Variants in EXOC4 observed in about 807,000 individuals in gnomAD.
EXOC4 encodes SEC8-like 1.
In EXOC4, 71 loss-of-function variants were observed where a neutral mutation model predicts 107.2. The observed-to-expected ratio is 0.66, with a 90% CI of 0.55 to 0.81. The LOEUF is 0.81. Ranked by LOEUF, EXOC4 falls within the 30% of genes least tolerant of loss-of-function variation. EXOC4 has a pLI of 0.00. For missense variants in EXOC4, 1,108 were observed against 1,189.6 expected (o/e 0.93, Z 1.01); for synonymous variants, 456 against 441.2 (o/e 1.03, Z -0.42).
intron 17 of EXOC4, among the ~76,000 whole-genome samples, chr7:134,011,397 T>A (rs1794759435): frequency 6.6e-6 from 1 of 152,176 alleles, no homozygotes; most frequent in East Asian, 1.9e-4. Context: ...TTTGTTTCTT[T>A]CTCTGCCTCT....
At position 133,954,695 on chromosome 7, in the gene EXOC4, T is replaced by C. The variant is rs73440865; in HGVS notation, c.2206+16626T>C. On this transcript the variant is annotated intron_variant, in intron 14 of 17. Transcript: ENST00000253861. ...TTTGCTCAGGACCACTGGGCTCACT[T>C]GACCTGGCAGGCTGTGCTTGGCTTG... Among the ~76,000 whole-genome samples, 690 of 152,322 alleles carry C rather than the reference T, an allele frequency of 4.5e-3. 6 individuals carry two copies. Among genetic ancestry groups the C allele is most frequent in the African/African-American group, 0.016 (665 of 41,582 alleles).
chr7:133,562,345 A>T (rs989435762), intron 9 of EXOC4, among the ~76,000 whole-genome samples: 1 of 152,020 alleles, frequency 6.6e-6, no homozygotes, highest in Non-Finnish European at 1.5e-5. Flanking sequence ...TGACCTCTGG[A>T]TTAGGGTTCT....
intron 10 of EXOC4, among the ~76,000 whole-genome samples, chr7:133,788,411 C>A (rs1268339800): frequency 4.6e-5 from 7 of 151,920 alleles, no homozygotes; most frequent in Non-Finnish European, 8.8e-5. Context: ...CAAAACTACT[C>A]CTCCTATTGT....
intron 7 of EXOC4, among the ~76,000 whole-genome samples, chr7:133,472,308 GGTGGCT>G (rs1000936954): frequency 4.6e-5 from 7 of 152,146 alleles, no homozygotes; most frequent in Non-Finnish European, 7.3e-5. Context: ...GAACTAAGTT[GGTGGCT>G]GTCAAAATGG....
At chr7:133,576,639 A>G (rs1404123433) in intron 9 of EXOC4, 1 of 1,289,750 alleles carries the variant, frequency 7.8e-7, no homozygotes, top group East Asian at 5.6e-5. Flanking sequence ...GCTAAATGTG[A>G]TCTCACTCAG....
At chr7:133,839,482 TAATA>T (rs1258624247) in intron 11 of EXOC4, among the ~76,000 whole-genome samples, 1 of 152,232 alleles carries the variant, frequency 6.6e-6, no homozygotes, top group African/African-American at 2.4e-5. Context: ...TGTATGCTCT[TAATA>T]AATTCATTTT....
intron 9 of EXOC4, among the ~76,000 whole-genome samples, chr7:133,595,127 CAG>C (rs1801637172): frequency 6.6e-6 from 1 of 151,964 alleles, no homozygotes; most frequent in African/African-American, 2.4e-5. Context: ...TGGATGAAAT[CAG>C]AGAGAACTTT....
chr7:133,787,665 C>T (rs1796603315), intron 10 of EXOC4, among the ~76,000 whole-genome samples: 1 of 151,640 alleles, frequency 6.6e-6, no homozygotes, highest in African/African-American at 2.4e-5. Context: ...CTCCTCCTTG[C>T]TGTGTCTTCA....
chr7:133,266,319 G>T (rs1479920650), intron 1 of EXOC4, among the ~76,000 whole-genome samples: 3 of 152,140 alleles, frequency 2.0e-5, no homozygotes, highest in African/African-American at 7.2e-5. Context: ...TTTGTAGGCT[G>T]TGTATCCAAA....
intron 10 of EXOC4, among the ~76,000 whole-genome samples, chr7:133,643,223 T>C (rs1235518235): frequency 6.6e-6 from 1 of 152,082 alleles, no homozygotes; most frequent in East Asian, 1.9e-4. Flanking sequence ...GAAGAGCCAG[T>C]CCAAGTTCCA....
At chr7:134,062,947 C>T (rs1043401181) in intron 17 of EXOC4, among the ~76,000 whole-genome samples, 3 of 152,252 alleles carry the variant, frequency 2.0e-5, no homozygotes, top group African/African-American at 4.8e-5. Context: ...TTAAGTGGCT[C>T]TCAAGTCTCC....
chr7:134,073,233 C>A, the EXOC4 span, among the ~76,000 whole-genome samples: 10,965 of 30,814 alleles, frequency 0.36, 503 homozygotes, highest in Non-Finnish European at 0.39. Context: ...AAAAAAAAAA[C>A]AACAAAGAAA....
rs375042026 is a variant in EXOC4 at position 133,325,111 on chromosome 7, C to T, written c.763+7721C>T. 5.3e-5 allele frequency among the ~76,000 whole-genome samples: 8 copies of T among 152,270 alleles called. No individual in the cohort carries two copies. The East Asian group carries it at 1.2e-3, about 22-fold the overall frequency. ...TTTTGAGCCTATGTGTGTCTCTGCA[C>T]GTGAGATGGGTCTCCTGAATACAGC... On this transcript the variant is annotated intron_variant, in intron 5 of 17. Coordinates refer to ENST00000253861, the MANE Select transcript of EXOC4 (RefSeq NM_021807.4).
At chr7:133,788,319 C>T in intron 10 of EXOC4, among the ~76,000 whole-genome samples, 1 of 151,840 alleles carries the variant, frequency 6.6e-6, no homozygotes, top group South Asian at 2.1e-4. Context: ...TATCTACTGC[C>T]CATTTCATGT....
chr7:133,809,835 CTGTT>C (rs553770573), intron 10 of EXOC4, among the ~76,000 whole-genome samples: 123 of 152,264 alleles, frequency 8.1e-4, no homozygotes, highest in Non-Finnish European at 1.5e-3. Flanking sequence ...CAGTGATTCA[CTGTT>C]TGTGAAAGAG....
chr7:133,514,536 G>T (rs1799837209), intron 9 of EXOC4, among the ~76,000 whole-genome samples: 1 of 152,160 alleles, frequency 6.6e-6, no homozygotes, highest in Admixed American at 6.5e-5. Context: ...CTCCTGGAAT[G>T]AATGTTTTAG....
At chr7:133,706,726 T>A (rs1009603101) in intron 10 of EXOC4, among the ~76,000 whole-genome samples, 1 of 152,188 alleles carries the variant, frequency 6.6e-6, no homozygotes, top group Non-Finnish European at 1.5e-5. Context: ...AGAGCACACC[T>A]CCATTTGGAC....
At chr7:133,506,217 G>A (rs760318639) in intron 9 of EXOC4, among the ~76,000 whole-genome samples, 16 of 152,102 alleles carry the variant, frequency 1.1e-4, no homozygotes, top group Non-Finnish European at 1.9e-4. Context: ...GTTGTAGATG[G>A]CACTCATGGT....
intron 10 of EXOC4, among the ~76,000 whole-genome samples, chr7:133,723,035 C>G (rs117793159): frequency 6.6e-6 from 1 of 152,310 alleles, no homozygotes; most frequent in East Asian, 1.9e-4. Flanking sequence ...TGTTACTTAT[C>G]CATTTACATT....
Sources: gnomAD v4.1 joint callset for allele counts (sites outside exome capture counted in the v4.1 genomes callset) on GRCh38, gnomAD v4.1.1 for gene constraint, MANE v1.5 for transcripts, NCBI Gene and HGNC (gene_info 2026-07-23, HGNC 2026-07-21) for gene names.